The following TNIP1 variants were observed in gnomAD, a reference collection of about 807,000 sequenced individuals.
TNIP1 encodes the protein TNFAIP3 interacting protein 1, also known as TNFAIP3-interacting protein 1.
A neutral mutation model predicts 86.6 loss-of-function variants in TNIP1; 22 were observed. The observed-to-expected ratio is 0.25, with a 90% confidence interval of 0.18 to 0.36. TNIP1 has a LOEUF of 0.36. TNIP1 is among the 10% of genes least tolerant of loss of function. TNIP1 has a pLI of 1.00. For synonymous variants in TNIP1, 294 were observed against 313.0 expected (o/e 0.94, Z 0.64); for missense variants, 709 against 820.6 (o/e 0.86, Z 1.66).
At chr5:151,060,425 G>T in intron 4 of TNIP1, 30 bp from the exon 5 acceptor site, 1 of 1,610,836 alleles carries the variant, frequency 6.2e-7, no homozygotes, top group Non-Finnish European at 8.5e-7. Context: ...GGTGCTGCCC[G>T]AGAGAAAAAC....
chr5:151,033,403 T>C (rs1757177526), intron 16 of TNIP1: 1 of 417,424 alleles, frequency 2.4e-6, no homozygotes, highest in African/African-American at 2.0e-5. Flanking sequence ...CCTGAACAGC[T>C]GTGGGGCAGC....
chr5:151,038,745 T>C (rs1197372157), intron 12 of TNIP1, among the ~76,000 whole-genome samples: 1 of 151,456 alleles, frequency 6.6e-6, no homozygotes, highest in Non-Finnish European at 1.5e-5. Context: ...TGAGAAGGAG[T>C]GTCAGAGAAG....
chr5:151,046,170 C>T, intron 8 of TNIP1: 2 of 557,904 alleles, frequency 3.6e-6, no homozygotes, highest in Non-Finnish European at 6.5e-6. Context: ...GGGTGGCTGC[C>T]AGGCCCTCTC....
chr5:151,062,518 AG>A (rs1761711064), intron 3 of TNIP1, among the ~76,000 whole-genome samples: 1 of 152,188 alleles, frequency 6.6e-6, no homozygotes, highest in East Asian at 1.9e-4. Context: ...CAATTTGAAA[AG>A]TCTTTATGTA....
rs1758630891 is a variant in TNIP1 at position 151,042,898 on chromosome 5, T to G, written c.1000A>C (p.Lys334Gln). ...CGTGGCCAGGAACCCCACATTACCT[T>G]CTGCTCATACTGCTGCTTCATGGAC... ...FRSMKQQYEQ[K>Q]ITELRQKLAD... Residue 334 changes from lysine to glutamine, a missense_variant and splice_region_variant, in exon 10 of 18, where the codon AAG (lysine) becomes CAG (glutamine). Lys to Gln is a moderately conservative substitution (Grantham distance 53). Coordinates refer to ENST00000521591, the MANE Select transcript of TNIP1 (RefSeq NM_006058.5). The G allele has an allele frequency of 6.2e-7, 1 of 1,613,762 alleles. No homozygotes were observed. Among genetic ancestry groups the G allele is most frequent in the Admixed American group, 1.7e-5 (1 of 60,002 alleles).
intron 1 of TNIP1, among the ~76,000 whole-genome samples, chr5:151,065,658 A>G (rs576286655): frequency 6.6e-6 from 1 of 152,324 alleles, no homozygotes; most frequent in East Asian, 1.9e-4. Context: ...TTAATTTAGT[A>G]ATCTTTAAAG....
chr5:151,059,820 A>AGG (rs1761213431), intron 5 of TNIP1, among the ~76,000 whole-genome samples: 1 of 93,748 alleles, frequency 1.1e-5, no homozygotes, highest in African/African-American at 5.5e-5. Context: ...AGAGAGAGAG[A>AGG]GAGAGAGAGT....
rs1465620321 is a variant in TNIP1, at chr5:151,045,721, C to A, written c.936+140G>T. ...CAAGGAGTCAGACCTCATCCATGGG[C>A]AGGCAGGTCAGTGGTCACCATGCCA... On this transcript the variant is annotated intron_variant, in intron 9 of 17. Transcript: ENST00000521591. 4.0e-6 allele frequency: 3 copies of A among 753,726 alleles called. No homozygotes were observed. In the Admixed American group the frequency reaches 6.0e-5, roughly 15 times the overall value. 46.7% of individuals were successfully genotyped at this position (753,726 alleles called of 1,614,324 possible). A position where few individuals can be genotyped will look rare whatever the true frequency, so the allele number is the denominator to read the frequency against.
chr5:151,080,150 G>C (rs578014720), intron 1 of TNIP1: 15 of 152,346 alleles, frequency 9.8e-5, no homozygotes, highest in African/African-American at 3.4e-4. Context: ...ATGTCCTACA[G>C]TGGAAAGCTC....
chr5:151,049,744 C>A, intron 8 of TNIP1, 80 bp downstream of exon 8: 1 of 1,544,974 alleles, frequency 6.5e-7, no homozygotes, highest in Non-Finnish European at 8.9e-7. Flanking sequence ...AGGGAGGAGG[C>A]TCACTGTCAC....
At chr5:151,087,609 T>C (rs2233279), upstream of TNIP1, 62,276 of 152,082 alleles carry the variant, frequency 0.41, 13,009 homozygotes, top group Middle Eastern at 0.49. Flanking sequence ...ACTTACTCTC[T>C]GAGGCTTCTC....
intron 1 of TNIP1, 34 bp downstream of exon 1, chr5:151,080,846 C>T (rs1212526448): frequency 1.3e-5 from 2 of 152,402 alleles, no homozygotes; most frequent in Non-Finnish European, 2.9e-5. Flanking sequence ...CTCCCTTCCT[C>T]CCCTCCATCC....
At position 151,033,639 on chromosome 5, in the gene TNIP1, G is replaced by T. The variant is rs888695021; in HGVS notation, c.1748C>A (p.Pro583His). 11 of 1,373,638 alleles carry T rather than the reference G, an allele frequency of 8.0e-6. No individual in the cohort carries two copies. The highest frequency in any genetic ancestry group is 9.5e-6 in the Non-Finnish European group (10 of 1,051,956). The allele number at this position is 1,373,638 out of a possible 1,614,324, so 85.1% of individuals were successfully genotyped here. ...GAAGAGGCGCGAGTTGGGGAGTGGG[G>T]GCGGGTGCTCCATGGCCATGGGGGG... ...PPPPMAMEHP[P>H]PLPNSRLFHL... Residue 583 changes from proline (P) to histidine (H), a missense_variant, in exon 16 of 18, where the codon CCC (proline) becomes CAC (histidine). Physicochemically the swap from Pro to His is moderately conservative, Grantham distance 77. Transcript: ENST00000521591.
intron 7 of TNIP1, among the ~76,000 whole-genome samples, chr5:151,050,756 C>A (rs1759814161): frequency 6.6e-6 from 1 of 152,062 alleles, no homozygotes; most frequent in South Asian, 2.1e-4. Flanking sequence ...ACCTCAGCCA[C>A]CCCCAACCTC....
rs1257205152 is a variant in TNIP1 at position 151,052,126 on chromosome 5, C to T, written c.722+39G>A. 4 of 1,589,170 alleles carry T rather than the reference C, an allele frequency of 2.5e-6. No homozygotes were observed. In the South Asian group the frequency reaches 3.3e-5, roughly 13 times the overall value. ...GCACACCAGCCCCTCCTCCTGCAGC[C>T]CCCACTCCTCACCCCTTCTCTGAGG... On this transcript the variant is annotated intron_variant, in intron 7 of 17. Transcript: ENST00000521591.
At position 151,030,627 on chromosome 5, in the gene TNIP1, C is replaced by A. The variant is rs756726100; in HGVS notation, c.*86G>T. The A allele has an allele frequency of 6.2e-7, 1 of 1,603,694 alleles. No individual in the cohort carries two copies. Among genetic ancestry groups the A allele is most frequent in the Non-Finnish European group, 8.5e-7 (1 of 1,173,966 alleles). The stretch of plus-strand genomic sequence containing the variant: ...TCATCCAGCTGAGGCTCTGGCCACA[C>A]CGTGCAAGTGGCTTCTAGTTTCTTG... On this transcript the variant is annotated 3_prime_UTR_variant, in exon 18 of 18. Coordinates refer to ENST00000521591, the MANE Select transcript of TNIP1 (RefSeq NM_006058.5).
chr5:151,050,618 G>A (rs910601738), intron 7 of TNIP1, among the ~76,000 whole-genome samples: 28 of 152,250 alleles, frequency 1.8e-4, no homozygotes, highest in African/African-American at 6.5e-4. Flanking sequence ...TGTGGATTCA[G>A]GTCTGACTAA....
intron 16 of TNIP1, 160 bp downstream of exon 16, chr5:151,033,448 T>G: frequency 2.1e-6 from 1 of 476,054 alleles, no homozygotes; most frequent in South Asian, 4.8e-5. Context: ...TGCCCCTGGG[T>G]AGCAGCCCAG....
At position 151,045,852 on chromosome 5, in the gene TNIP1, G is replaced by A. The variant is rs1311928859; in HGVS notation, c.936+9C>T. On this transcript the variant is annotated intron_variant, in intron 9 of 17. Transcript: ENST00000521591. Reference sequence around the variant, plus strand: ...GGATCCTCCCACTACTGCCACCTCGGCCACCTACCTCACTGCGCTGCTGCT... The same window carrying A: ...GGATCCTCCCACTACTGCCACCTCGACCACCTACCTCACTGCGCTGCTGCT... 6.2e-7 allele frequency: 1 copy of A among 1,613,424 alleles called. No individual in the cohort carries two copies. Among genetic ancestry groups the A allele is most frequent in the Non-Finnish European group, 8.5e-7 (1 of 1,179,944 alleles).
Sources: gnomAD v4.1 joint callset for allele counts (sites outside exome capture counted in the v4.1 genomes callset) on GRCh38, gnomAD v4.1.1 for gene constraint, MANE v1.5 for transcripts, NCBI Gene and HGNC (gene_info 2026-07-23, HGNC 2026-07-21) for gene names.